The following FOXN3 variants were observed in gnomAD, a reference collection of about 807,000 sequenced individuals.
The protein encoded by FOXN3 is forkhead box protein N3.
FOXN3 carries 7 observed loss-of-function variants against 38.4 expected under a neutral mutation model. The observed-to-expected ratio is 0.18, with a 90% CI of 0.10 to 0.34. The LOEUF (loss-of-function observed/expected upper bound fraction) is 0.34. FOXN3 is among the 10% of genes least tolerant of loss of function. The pLI, the probability that FOXN3 is intolerant of heterozygous loss-of-function variation, is 1.00. For synonymous variants in FOXN3, 230 were observed against 242.2 expected (o/e 0.95, Z 0.47); for missense variants, 456 against 613.4 (o/e 0.74, Z 2.71).
chr14:89,505,310 T>TCCCTCTGATG (rs1427109360), intron 1 of FOXN3, among the ~76,000 whole-genome samples: 3 of 116,956 alleles, frequency 2.6e-5, no homozygotes, highest in African/African-American at 6.9e-5. Context: ...CCCCACGGTC[T>TCCCTCTGATG]CCCTCTGATG....
intron 1 of FOXN3, among the ~76,000 whole-genome samples, chr14:89,571,954 C>T (rs1895506254): frequency 6.6e-6 from 1 of 152,162 alleles, no homozygotes; most frequent in African/African-American, 2.4e-5. Context: ...TCCAATTCTT[C>T]ATTTTTATAG....
intron 1 of FOXN3, among the ~76,000 whole-genome samples, chr14:89,465,846 G>A (rs915811593): frequency 6.6e-6 from 1 of 152,176 alleles, no homozygotes; most frequent in East Asian, 1.9e-4. Flanking sequence ...AGTAAGCTAG[G>A]ACATCACTCT....
intron 2 of FOXN3, among the ~76,000 whole-genome samples, chr14:89,399,417 G>A (rs1298907335): frequency 6.6e-6 from 1 of 152,238 alleles, no homozygotes; most frequent in African/African-American, 2.4e-5. Context: ...CAGAGGAACA[G>A]AGGAGGCACT....
At chr14:89,372,868 G>A (rs1890363132) in intron 2 of FOXN3, among the ~76,000 whole-genome samples, 1 of 152,062 alleles carries the variant, frequency 6.6e-6, no homozygotes, top group South Asian at 2.1e-4. Context: ...ATTTAAAATG[G>A]CTTTCAACAA....
chr14:89,263,029 G>A (rs1885856839), intron 4 of FOXN3, among the ~76,000 whole-genome samples: 1 of 152,120 alleles, frequency 6.6e-6, no homozygotes, highest in Admixed American at 6.5e-5. Flanking sequence ...AGTGAAATTG[G>A]CCTGCTTGTT....
chr14:89,237,902 G>A (rs1483161946), intron 4 of FOXN3, among the ~76,000 whole-genome samples: 1 of 152,188 alleles, frequency 6.6e-6, no homozygotes, highest in Admixed American at 6.5e-5. Flanking sequence ...CCATAGAGCT[G>A]TGTGCTGTAC....
At chr14:89,533,620 C>G (rs371170279) in intron 1 of FOXN3, among the ~76,000 whole-genome samples, 4 of 134,620 alleles carry the variant, frequency 3.0e-5, no homozygotes, top group Non-Finnish European at 4.5e-5. Flanking sequence ...GGAGATCGCA[C>G]CACTGCACTC....
chr14:89,237,783 T>C (rs1419845140), intron 4 of FOXN3, among the ~76,000 whole-genome samples: 1 of 152,254 alleles, frequency 6.6e-6, no homozygotes, highest in African/African-American at 2.4e-5. Context: ...TGCTTGATCT[T>C]TACTCTGCTG....
intron 3 of FOXN3, among the ~76,000 whole-genome samples, chr14:89,300,182 T>C (rs1342699712): frequency 7.6e-4 from 98 of 128,816 alleles, no homozygotes; most frequent in African/African-American, 3.9e-3. Context: ...GAAATGTACT[T>C]TTTTTTTTTT....
chr14:89,293,993 T>C (rs1886958899), intron 3 of FOXN3, among the ~76,000 whole-genome samples: 1 of 152,176 alleles, frequency 6.6e-6, no homozygotes, highest in Non-Finnish European at 1.5e-5. Context: ...CCTTTGGTAA[T>C]CACCTGGCAA....
At chr14:89,553,923 A>G (rs1895060241) in intron 1 of FOXN3, among the ~76,000 whole-genome samples, 1 of 152,230 alleles carries the variant, frequency 6.6e-6, no homozygotes, top group Non-Finnish European at 1.5e-5. Flanking sequence ...AAGAAGGCAT[A>G]CGAAAGTCAA....
chr14:89,316,103 A>C (rs1257020073), intron 3 of FOXN3, among the ~76,000 whole-genome samples: 1 of 152,194 alleles, frequency 6.6e-6, no homozygotes, highest in Non-Finnish European at 1.5e-5. Context: ...TACAGCCAAT[A>C]GGACATTAGC....
chr14:89,196,330 G>C (rs1308417011), intron 4 of FOXN3, among the ~76,000 whole-genome samples: 5 of 152,180 alleles, frequency 3.3e-5, no homozygotes, highest in Non-Finnish European at 7.3e-5. Flanking sequence ...TTGTGGAAGA[G>C]GCTTCTCCTC....
intron 1 of FOXN3, among the ~76,000 whole-genome samples, chr14:89,440,346 G>A (rs940732564): frequency 6.6e-6 from 1 of 152,174 alleles, no homozygotes; most frequent in Non-Finnish European, 1.5e-5. Context: ...GGAGCAGAGA[G>A]ACCCCTATTT....
At chr14:89,339,489 C>T (rs1451649954) in intron 3 of FOXN3, among the ~76,000 whole-genome samples, 3 of 152,270 alleles carry the variant, frequency 2.0e-5, no homozygotes, top group South Asian at 2.1e-4. Flanking sequence ...CTCCAGTCCC[C>T]GTCTGCACCA....
intron 1 of FOXN3, among the ~76,000 whole-genome samples, chr14:89,566,753 T>C (rs941562198): frequency 8.2e-6 from 1 of 121,980 alleles, no homozygotes; most frequent in African/African-American, 2.7e-5. Context: ...GGCTTTACCA[T>C]TCCCTCCTCC....
At chr14:89,208,791 G>T (rs1426306628) in intron 4 of FOXN3, among the ~76,000 whole-genome samples, 1 of 152,154 alleles carries the variant, frequency 6.6e-6, no homozygotes, top group Non-Finnish European at 1.5e-5. Context: ...GTGTGAAAAA[G>T]ATCTACTTGA....
At chr14:89,312,365 C>T (rs574192251) in intron 3 of FOXN3, among the ~76,000 whole-genome samples, 2 of 150,032 alleles carry the variant, frequency 1.3e-5, no homozygotes, top group South Asian at 2.1e-4. Flanking sequence ...CCAATCCACA[C>T]GGGCAAGGGT....
intron 2 of FOXN3, among the ~76,000 whole-genome samples, chr14:89,402,055 C>A (rs2140088380): frequency 6.6e-6 from 1 of 152,356 alleles, no homozygotes; most frequent in Non-Finnish European, 1.5e-5. Context: ...TGTAATCTTA[C>A]ATAGCAATCC....
Sources: gnomAD v4.1 joint callset for allele counts (sites outside exome capture counted in the v4.1 genomes callset) on GRCh38, gnomAD v4.1.1 for gene constraint, MANE v1.5 for transcripts, NCBI Gene and HGNC (gene_info 2026-07-23, HGNC 2026-07-21) for gene names.